Variants in PTPRK observed in about 807,000 individuals in gnomAD.
PTPRK encodes the protein receptor-type tyrosine-protein phosphatase kappa.
A neutral mutation model predicts 178.0 loss-of-function variants in PTPRK; 75 were observed. The ratio of observed to expected loss-of-function variants is 0.42; its 90% CI spans 0.35 to 0.51. PTPRK has a LOEUF of 0.51. PTPRK is among the 20% of genes least tolerant of loss of function. The pLI is 0.02. For synonymous variants in PTPRK, 637 were observed against 620.6 expected (o/e 1.03, Z -0.39); for missense variants, 1,441 against 1,797.8 (o/e 0.80, Z 3.59).
intron 1 of PTPRK, among the ~76,000 whole-genome samples, chr6:128,477,281 C>A (rs1356756938): frequency 6.6e-6 from 1 of 151,872 alleles, no homozygotes; most frequent in Admixed American, 6.6e-5. Flanking sequence ...TTCATGGTTG[C>A]ATTCACCATT....
At chr6:128,429,719 TC>T (rs1844578231) in intron 1 of PTPRK, among the ~76,000 whole-genome samples, 1 of 152,044 alleles carries the variant, frequency 6.6e-6, no homozygotes, top group Non-Finnish European at 1.5e-5. Flanking sequence ...AAAAAGAAAA[TC>T]CTAGAGGCTC....
At chr6:128,295,949 G>C (rs1824273553) in intron 3 of PTPRK, among the ~76,000 whole-genome samples, 1 of 152,146 alleles carries the variant, frequency 6.6e-6, no homozygotes, top group South Asian at 2.1e-4. Context: ...CATCCTTACA[G>C]AGTGTGCTCT....
chr6:128,200,926 A>AGGGG (rs1805828612), intron 6 of PTPRK, among the ~76,000 whole-genome samples: 2 of 22,786 alleles, frequency 8.8e-5, no homozygotes, highest in Non-Finnish European at 1.7e-4. Flanking sequence ...GGAGGGAGGG[A>AGGGG]GGGGAAGGGA....
intron 3 of PTPRK, among the ~76,000 whole-genome samples, chr6:128,273,215 C>A (rs1409698648): frequency 6.6e-6 from 1 of 150,634 alleles, no homozygotes; most frequent in Non-Finnish European, 1.5e-5. Context: ...GTCGCGGGGT[C>A]GGGGGAGTGG....
intron 1 of PTPRK, among the ~76,000 whole-genome samples, chr6:128,422,166 TTTG>T (rs1267082140): frequency 9.2e-5 from 14 of 152,350 alleles, no homozygotes; most frequent in East Asian, 5.8e-4. Flanking sequence ...GCATGTTATT[TTTG>T]TTGTTATTTC....
chr6:128,065,612 T>G (rs2114933202), intron 12 of PTPRK, among the ~76,000 whole-genome samples: 1 of 152,344 alleles, frequency 6.6e-6, no homozygotes, highest in South Asian at 2.1e-4. Flanking sequence ...TTTATAACTC[T>G]ATCTTGAGTA....
intron 1 of PTPRK, among the ~76,000 whole-genome samples, chr6:128,493,269 C>T (rs191642347): frequency 2.7e-4 from 41 of 152,130 alleles, no homozygotes; most frequent in Admixed American, 2.6e-3. Context: ...GTCAATGTAC[C>T]CCCCGCTAAC....
intron 13 of PTPRK, among the ~76,000 whole-genome samples, chr6:128,012,109 A>G (rs1416473007): frequency 6.6e-6 from 1 of 151,272 alleles, no homozygotes; most frequent in Non-Finnish European, 1.5e-5. Context: ...CTCCAAATAC[A>G]TGTGATTTGG....
intron 6 of PTPRK, among the ~76,000 whole-genome samples, chr6:128,212,659 C>G (rs1808419726): frequency 6.6e-6 from 1 of 152,006 alleles, no homozygotes; most frequent in Admixed American, 6.6e-5. Flanking sequence ...CCTCTTTGAT[C>G]CTTTTCAAAT....
At chr6:128,359,351 T>C (rs1225292017) in intron 2 of PTPRK, among the ~76,000 whole-genome samples, 1 of 152,230 alleles carries the variant, frequency 6.6e-6, no homozygotes, top group Non-Finnish European at 1.5e-5. Context: ...ATAACAAAGT[T>C]ATTCTCTGTA....
intron 3 of PTPRK, among the ~76,000 whole-genome samples, chr6:128,250,863 TGCAATGTACAACTA>T (rs1347293624): frequency 6.6e-6 from 1 of 152,168 alleles, no homozygotes; most frequent in Non-Finnish European, 1.5e-5. Flanking sequence ...ATACCAAAAG[TGCAATGTACAACTA>T]GCAGTTACTG....
intron 2 of PTPRK, among the ~76,000 whole-genome samples, chr6:128,372,937 T>G (rs577968952): frequency 6.6e-6 from 1 of 151,678 alleles, no homozygotes; most frequent in Non-Finnish European, 1.5e-5. Flanking sequence ...TATGTGTGTG[T>G]ATATGTGAAT....
chr6:128,498,853 A>T (rs1372971361), intron 1 of PTPRK, among the ~76,000 whole-genome samples: 3 of 152,216 alleles, frequency 2.0e-5, no homozygotes, highest in East Asian at 3.9e-4. Flanking sequence ...TTACTGAAAT[A>T]TCTCTACTCA....
intron 11 of PTPRK, among the ~76,000 whole-genome samples, chr6:128,077,718 C>A (rs977665569): frequency 6.6e-6 from 1 of 151,926 alleles, no homozygotes; most frequent in South Asian, 2.1e-4. Context: ...CACAAAATCA[C>A]GTTTCAAATG....
At chr6:128,242,498 T>C in intron 4 of PTPRK, 23 bp downstream of exon 4, 2 of 1,606,078 alleles carry the variant, frequency 1.2e-6, no homozygotes, top group Non-Finnish European at 1.7e-6. Context: ...CATAGAAAAA[T>C]ACAATTCTTA....
chr6:128,210,200 T>A (rs965615390), intron 6 of PTPRK, among the ~76,000 whole-genome samples: 20 of 152,080 alleles, frequency 1.3e-4, no homozygotes, highest in African/African-American at 4.6e-4. Context: ...AATAACGGAA[T>A]CTATTTATAT....
chr6:128,078,828 T>A lies in PTPRK; in HGVS notation c.1868A>T (p.Lys623Ile), dbSNP rs1784307165. The change falls in exon 11 of 30, where the codon AAA (lysine) becomes ATA (isoleucine). Residue 623 changes from lysine to isoleucine, a missense_variant. Transcript: ENST00000368226. The part of the protein sequence containing the change: ...ITVLLRPAQA[K>I]GAPISAYQIV... ...CTCCTCTTACCTGATAGGAGCACCT[T>A]TGGCTTGTGCTGGTCTCAACAATAC... 6.2e-7 allele frequency: 1 copy of A among 1,609,408 alleles called. No individual in the cohort carries two copies. The highest frequency in any genetic ancestry group is 1.3e-5 in the African/African-American group (1 of 74,750).
chr6:128,060,054 C>T (rs1201568018), intron 13 of PTPRK, among the ~76,000 whole-genome samples: 1 of 151,980 alleles, frequency 6.6e-6, no homozygotes, highest in Non-Finnish European at 1.5e-5. Context: ...CTTATACTAG[C>T]AATGAGAGCA....
At chr6:128,469,060 T>A (rs1850267123) in intron 1 of PTPRK, among the ~76,000 whole-genome samples, 1 of 152,150 alleles carries the variant, frequency 6.6e-6, no homozygotes, top group South Asian at 2.1e-4. Flanking sequence ...ACGATAAATG[T>A]ACTTTTCACA....
Sources: allele counts gnomAD v4.1 joint callset (sites outside exome capture counted in the v4.1 genomes callset), GRCh38; gene constraint gnomAD v4.1.1; transcripts MANE v1.5; gene names NCBI Gene and HGNC (gene_info 2026-07-23, HGNC 2026-07-21).